PPFIA4: variants seen among roughly 807,000 people sequenced by gnomAD.
PPFIA4 encodes the protein liprin-alpha-4.
PPFIA4 carries 98 observed loss-of-function variants against 145.7 expected under a neutral mutation model. The observed-to-expected ratio is 0.67, with a 90% CI of 0.57 to 0.80. The LOEUF is 0.80. PPFIA4 is among the 30% of genes least tolerant of loss of function. PPFIA4 has a pLI of 0.00. For missense variants in PPFIA4, 1,457 were observed against 1,632.7 expected, an observed-to-expected ratio of 0.89 and a Z score of 1.85; for synonymous variants, 628 against 649.6, an observed-to-expected ratio of 0.97 and a Z score of 0.51.
chr1:203,063,710 C>CCTT (rs1217666699), intron 24 of PPFIA4, 118 bp from the exon 25 acceptor site: 1 of 982,132 alleles, frequency 1.0e-6, no homozygotes, highest in Non-Finnish European at 1.6e-6. Flanking sequence ...ATTGGACTGC[C>CCTT]CTTCCTCCCT....
chr1:203,076,201 C>G (rs1662529094), intron 29 of PPFIA4, 140 bp from the exon 30 acceptor site: 4 of 941,064 alleles, frequency 4.3e-6, no homozygotes, highest in Non-Finnish European at 5.0e-6. Context: ...CTGGCTTGCC[C>G]CTTCCTGCTT....
In PPFIA4 at chr1:203,048,533, G is replaced by A. The variant is rs1368262415; in HGVS notation, c.1225-50G>A. On this transcript the variant is annotated intron_variant, in intron 10 of 29. Transcript: ENST00000295706. The surrounding 1 kb of genome is among the most constrained non-coding windows in gnomAD (Gnocchi z 5.8). ...AGGGAGTCAAACCCCAGCAGGAGAG[G>A]GTGGTCCTCCCTGGGAGGGCGGCCT... is the stretch of plus-strand genomic sequence containing the variant. 3.2e-6 allele frequency: 5 copies of A among 1,553,472 alleles called. No homozygotes were observed. Among genetic ancestry groups the A allele is most frequent in the Non-Finnish European group, 4.4e-6 (5 of 1,149,064 alleles).
Position 203,045,550 on chromosome 1 carries a change from C to T in PPFIA4, c.849C>T (p.Asp283=), listed in dbSNP as rs1318255483. 2.5e-6 allele frequency: 4 copies of T among 1,589,882 alleles called. No individual in the cohort carries two copies. The highest frequency in any genetic ancestry group is 3.4e-6 in the Non-Finnish European group (4 of 1,169,108). The change falls in exon 7 of 30, where the codon GAC becomes GAT. Residue 283 remains aspartate (D), a synonymous_variant. Transcript: ENST00000295706. Reference sequence around the variant, plus strand: ...AGCTGAGCAGCAAGCATCAGCGGGACCTCCGGGAGGTGCGTGAGGGCGCAG... The same window carrying T: ...AGCTGAGCAGCAAGCATCAGCGGGATCTCCGGGAGGTGCGTGAGGGCGCAG... ...SEELSSKHQR[D]LREALAQKED...
chr1:203,061,650 A>G lies in PPFIA4; in HGVS notation c.2848-2A>G. ...CTAACACGCTGCACTCGTTCCTGCT[A>G]GGACAGTGAGGAGGGCAGCTGGGCT... is the stretch of plus-strand genomic sequence containing the variant. On this transcript the variant is annotated splice_acceptor_variant, in intron 23 of 29. Transcript: ENST00000295706. LOFTEE classifies it high-confidence loss of function. 1 of 1,565,264 alleles carries G rather than the reference A, an allele frequency of 6.4e-7. No homozygotes were observed. Among genetic ancestry groups the G allele is most frequent in the Non-Finnish European group, 8.7e-7 (1 of 1,154,694 alleles).
At chr1:203,072,448 C>G (rs1459364551) in intron 28 of PPFIA4, among the ~76,000 whole-genome samples, 1 of 152,240 alleles carries the variant, frequency 6.6e-6, no homozygotes, top group Non-Finnish European at 1.5e-5. Flanking sequence ...CCCTGGCATT[C>G]TAAGCCATAT....
chr1:203,065,321 C>G (rs1322237765), intron 25 of PPFIA4, among the ~76,000 whole-genome samples: 1 of 152,174 alleles, frequency 6.6e-6, no homozygotes, highest in East Asian at 1.9e-4. Context: ...CACCCGCCCC[C>G]ACCCAAATCA....
Position 203,059,237 on chromosome 1 carries a change from AC to A in PPFIA4, c.2470del (p.Gln824ArgfsTer8). On this transcript the variant is annotated frameshift_variant, in exon 20 of 30. Transcript: ENST00000295706. LOFTEE classifies it high-confidence loss of function. The stretch of plus-strand genomic sequence containing the variant: ...GCCTATGGTGCCTGCCAAGCTGGGG[AC>A]CCAGGCAGAGAAGGACCGGCGGCTA... ...QEPMVPAKLG[T>X]QAEKDRRLKK... 3 of 1,555,326 alleles carry A rather than the reference AC, an allele frequency of 1.9e-6. No individual in the cohort carries two copies. The highest frequency in any genetic ancestry group is 2.6e-6 in the Non-Finnish European group (3 of 1,142,018).
At chr1:203,044,497 AG>A in intron 5 of PPFIA4, 44 bp downstream of exon 5, 1 of 1,532,056 alleles carries the variant, frequency 6.5e-7, no homozygotes, top group Non-Finnish European at 8.8e-7. Flanking sequence ...CTGGAAGTCC[AG>A]GCTGGTTCAC....
chr1:203,060,933 ACAC>A lies in PPFIA4; in HGVS notation c.2785-35_2785-33del. The A allele has an allele frequency of 6.2e-7, 1 of 1,602,428 alleles. No individual in the cohort carries two copies. Among genetic ancestry groups the A allele is most frequent in the East Asian group, 2.2e-5 (1 of 44,846 alleles). On this transcript the variant is annotated intron_variant, in intron 22 of 29. Coordinates refer to ENST00000295706, the MANE Select transcript of PPFIA4 (RefSeq NM_001304331.2). This position sits in a 1 kb window ranked among gnomAD's most constrained non-coding sequence, Gnocchi z 4.8. ...AGCCTGATGGGGATCCTGGGGACCC[ACAC>A]CCAGGACCAGCTAGGTTTCCTCTCT...
chr1:203,061,116 T>A, intron 23 of PPFIA4, 84 bp downstream of exon 23: 1 of 1,296,150 alleles, frequency 7.7e-7, no homozygotes. Context: ...CTGTGGGCAG[T>A]CAGAGTGGGC....
chr1:203,035,465 A>G (rs1659171971), intron 1 of PPFIA4: 3 of 414,004 alleles, frequency 7.2e-6, no homozygotes, highest in Middle Eastern at 3.5e-4. Context: ...TTGTGTTTCT[A>G]AAGGCCCAAG....
chr1:203,036,173 C>T (rs1659237130), intron 1 of PPFIA4, among the ~76,000 whole-genome samples: 1 of 152,198 alleles, frequency 6.6e-6, no homozygotes, highest in African/African-American at 2.4e-5. Flanking sequence ...AGGTAATTCA[C>T]ATTCCCGTGC....
In PPFIA4 at chr1:203,051,818, A is replaced by G. The variant is rs759684492; in HGVS notation, c.1561A>G (p.Thr521Ala). The G allele has an allele frequency of 4.8e-5, 78 of 1,613,736 alleles. No individual in the cohort carries two copies. The highest frequency in any genetic ancestry group is 3.3e-4 in the Middle Eastern group (2 of 6,084). Residue 521 changes from threonine (T) to alanine (A), a missense_variant, in exon 14 of 30, where the codon ACA (threonine) becomes GCA (alanine). Coordinates refer to ENST00000295706, the MANE Select transcript of PPFIA4 (RefSeq NM_001304331.2). ...CGTGCGGTTCTCCCTGGGCACAACC[A>G]CACACGCACCCCCAGGCGTGCATCG... The part of the protein sequence containing the change: ...ADVRFSLGTT[T>A]HAPPGVHRRY...
At position 203,043,553 on chromosome 1, in the gene PPFIA4, G is replaced by C; in HGVS notation, c.336+55G>C. ...GCGCACGTGTGTGTGTGTGTGTATG[G>C]GGGTGTGTTGTGAACACCTTGACCA... On this transcript the variant is annotated intron_variant, in intron 3 of 29. Transcript: ENST00000295706. The surrounding 1 kb of genome is among the most constrained non-coding windows in gnomAD (Gnocchi z 4.4). 6.8e-7 allele frequency: 1 copy of C among 1,462,076 alleles called. No homozygotes were observed. Among genetic ancestry groups the C allele is most frequent in the Non-Finnish European group, 9.4e-7 (1 of 1,065,158 alleles). The allele number at this position is 1,462,076 out of a possible 1,614,324, so 90.6% of individuals were successfully genotyped here.
rs1273996315 is a variant in PPFIA4, at chr1:203,068,260, T to TG, written c.3149-187dup. Among the ~76,000 whole-genome samples the TG allele has an allele frequency of 6.6e-6, 1 of 151,398 alleles. No homozygotes were observed. The stretch of plus-strand genomic sequence containing the variant: ...TGTAAACTGGCAGGGATGGAGTGAG[T>TG]GGGGGGTTGGTTCCCCAGGCACCCA... On this transcript the variant is annotated intron_variant, in intron 26 of 29. Transcript: ENST00000295706. The surrounding 1 kb of genome is among the most constrained non-coding windows in gnomAD (Gnocchi z 4.7).
rs117375657 is a variant in PPFIA4, at chr1:203,075,372, G to A, written c.3394-205G>A. ...CCCCTCCATCCGCCACCCAGAGACAGGGAATTTCAGAGTCGCAGGGTTTCC... is the reference window on the plus strand; with the variant it reads ...CCCCTCCATCCGCCACCCAGAGACAAGGAATTTCAGAGTCGCAGGGTTTCC... On this transcript the variant is annotated intron_variant, in intron 28 of 29. Coordinates refer to ENST00000295706, the MANE Select transcript of PPFIA4 (RefSeq NM_001304331.2). The surrounding 1 kb of genome is among the most constrained non-coding windows in gnomAD (Gnocchi z 4.1). Among the ~76,000 whole-genome samples the A allele has an allele frequency of 8.2e-4, 124 of 151,642 alleles. No individual in the cohort carries two copies. The East Asian group carries it at 0.019, about 23-fold the overall frequency.
intron 20 of PPFIA4, 144 bp downstream of exon 20, chr1:203,059,415 C>T: frequency 1.4e-6 from 1 of 732,862 alleles, no homozygotes; most frequent in East Asian, 2.7e-5. Context: ...TCCATGTGGG[C>T]ACAGCAGGGC....
chr1:203,038,151 C>T (rs915744647), intron 1 of PPFIA4, among the ~76,000 whole-genome samples: 7 of 152,220 alleles, frequency 4.6e-5, no homozygotes, highest in Non-Finnish European at 1.5e-5. Context: ...CTCACAGCCA[C>T]TCCCACTAAG....
At chr1:203,067,850 T>C in intron 26 of PPFIA4, 58 bp downstream of exon 26, 1 of 1,463,636 alleles carries the variant, frequency 6.8e-7, no homozygotes. Flanking sequence ...GGTCCCTGCC[T>C]TGGGCCAAGT....
Sources: allele counts gnomAD v4.1 joint callset (sites outside exome capture counted in the v4.1 genomes callset), GRCh38; gene constraint gnomAD v4.1.1; non-coding constraint Gnocchi (gnomAD v3.1); transcripts MANE v1.5; gene names NCBI Gene and HGNC (gene_info 2026-07-23, HGNC 2026-07-21).